DENND2B: variants seen among roughly 807,000 people sequenced by gnomAD.
DENND2B encodes the protein DENN domain containing 2B.
In DENND2B, 32 loss-of-function variants were observed where a neutral mutation model predicts 116.0. The ratio of observed to expected loss-of-function variants is 0.28; its 90% CI spans 0.21 to 0.37. DENND2B has a LOEUF of 0.37. DENND2B is among the 10% of genes least tolerant of loss of function. DENND2B has a pLI of 1.00. For synonymous variants in DENND2B, 588 were observed against 583.9 expected, an observed-to-expected ratio of 1.01 and a Z score of -0.10; for missense variants, 1,276 against 1,477.7, an observed-to-expected ratio of 0.86 and a Z score of 2.24.
chr11:8,708,076 A>G, intron 11 of DENND2B: 2 of 1,469,098 alleles, frequency 1.4e-6, no homozygotes, highest in Non-Finnish European at 1.8e-6. Flanking sequence ...ACCAGGTACC[A>G]GGCTCCTGCC....
At chr11:8,742,537 T>C (rs150109878) in intron 2 of DENND2B, among the ~76,000 whole-genome samples, 24 of 152,268 alleles carry the variant, frequency 1.6e-4, no homozygotes, top group Non-Finnish European at 2.6e-4. Context: ...ACATAGATAA[T>C]AGGAAATACA....
At chr11:8,733,445 T>A (rs773185395) in intron 2 of DENND2B, among the ~76,000 whole-genome samples, 41 of 152,364 alleles carry the variant, frequency 2.7e-4, no homozygotes, top group Admixed American at 2.4e-3. Context: ...TACTCTGTGC[T>A]AGGCCTGTTC....
intron 1 of DENND2B, among the ~76,000 whole-genome samples, chr11:8,775,702 A>G (rs1171176313): frequency 1.3e-5 from 2 of 152,182 alleles, no homozygotes; most frequent in Admixed American, 6.5e-5. Flanking sequence ...CTTTAACCAA[A>G]TAAGAGCCAA....
At position 8,707,688 on chromosome 11, in the gene DENND2B, G is replaced by A. The variant is rs1234579573; in HGVS notation, c.2430+89C>T. On this transcript the variant is annotated intron_variant, in intron 12 of 19. Coordinates refer to ENST00000313726, the MANE Select transcript of DENND2B (RefSeq NM_213618.2). The surrounding 1 kb of genome is among the most constrained non-coding windows in gnomAD (Gnocchi z 4.8). Reference sequence around the variant, plus strand: ...TGTCTCCCGCTCGCTCACAGTCACAGGTGGTTTTCTCATCTAAGCTGGCTG... The same window carrying A: ...TGTCTCCCGCTCGCTCACAGTCACAAGTGGTTTTCTCATCTAAGCTGGCTG... The A allele has an allele frequency of 7.8e-7, 1 of 1,281,408 alleles. No homozygotes were observed. Among genetic ancestry groups the A allele is most frequent in the Non-Finnish European group, 1.1e-6 (1 of 913,726 alleles). The allele number at this position is 1,281,408 out of a possible 1,614,324, so 79.4% of individuals were successfully genotyped here.
At chr11:8,810,875 T>C (rs551307607), upstream of DENND2B, 1 of 158,134 alleles carries the variant, frequency 6.3e-6, no homozygotes, top group South Asian at 2.1e-4. Flanking sequence ...AGCACTGTCT[T>C]TTGATCAGCT....
chr11:8,795,064 T>C (rs1474529232), intron 1 of DENND2B, among the ~76,000 whole-genome samples: 2 of 152,250 alleles, frequency 1.3e-5, no homozygotes, highest in Non-Finnish European at 2.9e-5. Flanking sequence ...AAGCTTTTCC[T>C]GGCAGAAATG....
chr11:8,751,938 T>C (rs2052584343), intron 1 of DENND2B, among the ~76,000 whole-genome samples: 1 of 152,194 alleles, frequency 6.6e-6, no homozygotes, highest in Non-Finnish European at 1.5e-5. Flanking sequence ...AGTCACCTCA[T>C]TCTAAACAAT....
intron 1 of DENND2B, chr11:8,766,723 C>A: frequency 7.9e-7 from 1 of 1,263,418 alleles, no homozygotes; most frequent in South Asian, 1.2e-5. Flanking sequence ...GGTGACATCA[C>A]AGCTGTTGAT....
chr11:8,751,556 G>C (rs138827714), intron 1 of DENND2B, among the ~76,000 whole-genome samples: 3 of 151,814 alleles, frequency 2.0e-5, no homozygotes, highest in Non-Finnish European at 4.4e-5. Context: ...CTGAGCCAGC[G>C]AGACCACGAA....
In DENND2B at chr11:8,726,450, C is replaced by A; in HGVS notation, c.1341-241G>T. On this transcript the variant is annotated intron_variant, in intron 3 of 19. Coordinates refer to ENST00000313726, the MANE Select transcript of DENND2B (RefSeq NM_213618.2). Reference sequence around the variant, plus strand: ...ATACCGCTATTAGATAACAACTACCCCAGCTTAAAAGCATGCTGTTCCAGG... The same window carrying A: ...ATACCGCTATTAGATAACAACTACCACAGCTTAAAAGCATGCTGTTCCAGG... 7.1e-6 allele frequency: 3 copies of A among 423,506 alleles called. No homozygotes were observed. In the South Asian group the frequency reaches 1.2e-4, roughly 17 times the overall value. 26.2% of individuals were successfully genotyped at this position (423,506 alleles called of 1,614,324 possible). A position where few individuals can be genotyped will look rare whatever the true frequency, so the allele number is the denominator to read the frequency against.
intron 11 of DENND2B, among the ~76,000 whole-genome samples, chr11:8,709,977 A>G (rs541341859): frequency 2.0e-5 from 3 of 152,212 alleles, no homozygotes; most frequent in East Asian, 3.9e-4. Flanking sequence ...CTGACTCTCA[A>G]TAGCACGTGC....
At chr11:8,739,697 T>C (rs568044704) in intron 2 of DENND2B, among the ~76,000 whole-genome samples, 68 of 152,320 alleles carry the variant, frequency 4.5e-4, no homozygotes, top group African/African-American at 1.5e-3. Flanking sequence ...CACTGCAGCA[T>C]GCAACTGGCC....
chr11:8,795,478 C>G (rs1324160269), intron 1 of DENND2B, among the ~76,000 whole-genome samples: 1 of 152,166 alleles, frequency 6.6e-6, no homozygotes, highest in Admixed American at 6.5e-5. Flanking sequence ...AATTGGTTAA[C>G]AAGCTCTCCA....
At chr11:8,865,005 A>T (rs145646852) in intron 2 of DENND2B, among the ~76,000 whole-genome samples, 1 of 152,374 alleles carries the variant, frequency 6.6e-6, no homozygotes, top group African/African-American at 2.4e-5. Context: ...AACATTAACA[A>T]ACAGGGACAA....
In DENND2B at chr11:8,702,490, T is replaced by C; in HGVS notation, c.2720+82A>G. On this transcript the variant is annotated intron_variant, in intron 14 of 19. Coordinates refer to ENST00000313726, the MANE Select transcript of DENND2B (RefSeq NM_213618.2). The surrounding 1 kb of genome is among the most constrained non-coding windows in gnomAD (Gnocchi z 4.6). ...TCCAGCACTGGTCTCCGGCGCCTGCTTAGGCTCCTGAACACTTGCTGATTC... is the reference window on the plus strand; with the variant it reads ...TCCAGCACTGGTCTCCGGCGCCTGCCTAGGCTCCTGAACACTTGCTGATTC... The C allele has an allele frequency of 6.3e-7, 1 of 1,585,228 alleles. No individual in the cohort carries two copies. The highest frequency in any genetic ancestry group is 8.5e-7 in the Non-Finnish European group (1 of 1,170,578).
intron 1 of DENND2B, among the ~76,000 whole-genome samples, chr11:8,752,188 C>A (rs1187758124): frequency 6.6e-6 from 1 of 152,216 alleles, no homozygotes; most frequent in Non-Finnish European, 1.5e-5. Flanking sequence ...CGTGGTGGCT[C>A]ACGCCTGTAA....
At chr11:8,760,648 A>G (rs74053168) in intron 1 of DENND2B, among the ~76,000 whole-genome samples, 8,287 of 152,230 alleles carry the variant, frequency 0.054, 457 homozygotes, top group African/African-American at 0.14. Context: ...GAGAAAAGAA[A>G]TACCAGGAAG....
intron 2 of DENND2B, 106 bp downstream of exon 2, chr11:8,750,515 A>T: frequency 6.2e-6 from 6 of 960,550 alleles, no homozygotes; most frequent in Non-Finnish European, 8.3e-6. Flanking sequence ...TAGACCAGTC[A>T]CCTGGATGAC....
rs771722156 is a variant in DENND2B, at chr11:8,731,060, G to A, written c.230C>T (p.Pro77Leu). The change falls in exon 3 of 20, where the codon CCC (proline) becomes CTC (leucine). Residue 77 changes from proline (P) to leucine (L), a missense_variant. Physicochemically the swap from Pro to Leu is moderately conservative, Grantham distance 98. This residue lies in a region of DENND2B where 856 missense variants were observed against 846.6 expected (regional missense o/e 1.01). Transcript: ENST00000313726. ...TGGGGAGGGATCTTGAGGATTCTGG[G>A]GTGAAGGAGCTGGGGGGTGCCGGTC... The part of the protein sequence containing the change: ...LKDRHPPAPS[P>L]QNPQDPSPDT... 65 of 1,613,838 alleles carry A rather than the reference G, an allele frequency of 4.0e-5. 1 individual carries two copies. In the East Asian group the frequency reaches 1.4e-3, roughly 35 times the overall value.
Sources: gnomAD v4.1 joint callset for allele counts (sites outside exome capture counted in the v4.1 genomes callset) on GRCh38, gnomAD v4.1.1 for gene constraint, gnomAD v4.1.1 regional missense constraint, Gnocchi (gnomAD v3.1) non-coding constraint, MANE v1.5 for transcripts, NCBI Gene and HGNC (gene_info 2026-07-23, HGNC 2026-07-21) for gene names.